TMEM135: variants seen among roughly 807,000 people sequenced by gnomAD.
The protein encoded by TMEM135 is peroxisomal membrane protein 52.
A neutral mutation model predicts 60.3 loss-of-function variants in TMEM135; 30 were observed. The observed-to-expected ratio is 0.50, with a 90% confidence interval of 0.37 to 0.68. The LOEUF (loss-of-function observed/expected upper bound fraction) is 0.68. Among genes scored for constraint, TMEM135 ranks in the 30% least tolerant of loss-of-function variants. TMEM135 has a pLI of 0.00. For missense variants in TMEM135, 468 were observed against 548.8 expected (o/e 0.85, Z 1.47); for synonymous variants, 190 against 186.7 (o/e 1.02, Z -0.14).
chr11:87,321,079 A>G, intron 14 of TMEM135, 122 bp from the exon 15 acceptor site: 1 of 813,568 alleles, frequency 1.2e-6, no homozygotes, highest in Admixed American at 2.6e-5. Flanking sequence ...CATTGAATTT[A>G]GATCCTTTGC....
At chr11:87,236,768 C>G (rs1391876411) in intron 6 of TMEM135, 84 bp downstream of exon 6, 1 of 1,338,690 alleles carries the variant, frequency 7.5e-7, no homozygotes, top group African/African-American at 1.4e-5. Flanking sequence ...AAAGTATTCT[C>G]CAAATAATTA....
chr11:87,202,847 A>G (rs955227441), intron 5 of TMEM135, among the ~76,000 whole-genome samples: 1 of 151,504 alleles, frequency 6.6e-6, no homozygotes, highest in Non-Finnish European at 1.5e-5. Context: ...CCTGGCTAAC[A>G]CGGTGAAACC....
chr11:87,123,187 G>A (rs921473108), intron 4 of TMEM135, among the ~76,000 whole-genome samples: 2 of 152,164 alleles, frequency 1.3e-5, no homozygotes, highest in Non-Finnish European at 2.9e-5. Flanking sequence ...TATCACAAAC[G>A]TGGTGGCTTT....
intron 4 of TMEM135, among the ~76,000 whole-genome samples, chr11:87,154,450 T>C (rs1312423755): frequency 2.0e-5 from 3 of 152,220 alleles, no homozygotes; most frequent in Non-Finnish European, 4.4e-5. Flanking sequence ...TATGCAGATA[T>C]CTCTTTGAGA....
intron 6 of TMEM135, among the ~76,000 whole-genome samples, chr11:87,290,390 C>T (rs1003203646): frequency 1.3e-5 from 2 of 152,138 alleles, no homozygotes; most frequent in Admixed American, 1.3e-4. Context: ...AACATTTTTG[C>T]ATCCCTATAA....
chr11:87,068,304 T>C (rs1012981141), intron 2 of TMEM135, among the ~76,000 whole-genome samples: 13 of 152,224 alleles, frequency 8.5e-5, no homozygotes, highest in East Asian at 3.8e-4. Context: ...ATATTACCTG[T>C]GCTACATCTT....
chr11:87,090,688 T>G (rs1857187656), intron 3 of TMEM135, among the ~76,000 whole-genome samples: 1 of 152,108 alleles, frequency 6.6e-6, no homozygotes, highest in Non-Finnish European at 1.5e-5. Flanking sequence ...ATAAGCTAAG[T>G]AAACTGATTA....
At chr11:87,124,256 G>C (rs1937658947) in intron 4 of TMEM135, among the ~76,000 whole-genome samples, 1 of 152,088 alleles carries the variant, frequency 6.6e-6, no homozygotes, top group African/African-American at 2.4e-5. Flanking sequence ...CTAAAGAGTC[G>C]AGTCTCAGGA....
chr11:87,314,749 T>A lies in TMEM135; in HGVS notation c.1077+202T>A, dbSNP rs1942698053. Among the ~76,000 whole-genome samples, 2 of 151,836 alleles carry A rather than the reference T, an allele frequency of 1.3e-5. 1 individual carries two copies. Among genetic ancestry groups the A allele is most frequent in the South Asian group, 4.1e-4 (2 of 4,822 alleles). ...TTAAGTATAGAAAGAGTAGTGTAAT[T>A]AACCCTCATGCACCCATCATGCAGC... On this transcript the variant is annotated intron_variant, in intron 12 of 14. Coordinates refer to ENST00000305494, the MANE Select transcript of TMEM135 (RefSeq NM_022918.4).
chr11:87,133,399 C>T (rs1166187016), intron 4 of TMEM135, among the ~76,000 whole-genome samples: 1 of 152,242 alleles, frequency 6.6e-6, no homozygotes, highest in Non-Finnish European at 1.5e-5. Flanking sequence ...AAGTCCTCCC[C>T]ACCACTCACA....
chr11:87,038,031 G>T lies in TMEM135; in HGVS notation c.-15G>T. ...AGGCTCTCCCCCTCCTGTCTTCTCC[G>T]CGCTGTTCCTCGTCATGGCGGCCCT... is the stretch of plus-strand genomic sequence containing the variant. On this transcript the variant is annotated 5_prime_UTR_variant, in exon 1 of 15. Transcript: ENST00000305494. 6.2e-7 allele frequency: 1 copy of T among 1,613,716 alleles called. No individual in the cohort carries two copies. Among genetic ancestry groups the T allele is most frequent in the African/African-American group, 1.3e-5 (1 of 75,040 alleles).
chr11:87,166,805 T>C (rs891494293), intron 5 of TMEM135, among the ~76,000 whole-genome samples: 1 of 151,858 alleles, frequency 6.6e-6, no homozygotes, highest in African/African-American at 2.4e-5. Flanking sequence ...TTTGGTTCCA[T>C]ATGAAATTTA....
chr11:87,301,661 T>C (rs1942451872), intron 7 of TMEM135, among the ~76,000 whole-genome samples: 1 of 152,158 alleles, frequency 6.6e-6, no homozygotes, highest in Non-Finnish European at 1.5e-5. Context: ...TAGTTATTCT[T>C]TATAAGGGCA....
intron 3 of TMEM135, among the ~76,000 whole-genome samples, chr11:87,075,375 C>T (rs1448836688): frequency 8.6e-5 from 13 of 151,830 alleles, no homozygotes; most frequent in African/African-American, 2.2e-4. Context: ...AGGATGGTTT[C>T]GATCTCCGGA....
At chr11:87,250,952 A>G (rs470706) in intron 6 of TMEM135, among the ~76,000 whole-genome samples, 100,211 of 152,066 alleles carry the variant, frequency 0.66, 33,604 homozygotes, top group Non-Finnish European at 0.71. Flanking sequence ...CTTGACCAAA[A>G]CTTATGGCAA....
At chr11:87,178,548 C>T (rs1199728859) in intron 5 of TMEM135, 1 of 455,876 alleles carries the variant, frequency 2.2e-6, no homozygotes, top group Non-Finnish European at 4.4e-6. Context: ...GCCTGAGTCT[C>T]CTGAGTAGCT....
Position 87,313,562 on chromosome 11 carries a change from A to C in TMEM135, c.1000+74A>C, listed in dbSNP as rs1224305979. 2.5e-6 allele frequency: 3 copies of C among 1,220,932 alleles called. No individual in the cohort carries two copies. In the African/African-American group the frequency reaches 4.5e-5, roughly 18 times the overall value. The allele number at this position is 1,220,932 out of a possible 1,614,324, so 75.6% of individuals were successfully genotyped here. A position where few individuals can be genotyped will look rare whatever the true frequency, so the allele number is the denominator to read the frequency against. On this transcript the variant is annotated intron_variant, in intron 11 of 14. Transcript: ENST00000305494. Reference sequence around the variant, plus strand: ...AGGAATGAATTGGAAATACCATCCAATTCATCCAATTTCTATGAATCTTCC... The same window carrying C: ...AGGAATGAATTGGAAATACCATCCACTTCATCCAATTTCTATGAATCTTCC...
Position 87,097,698 on chromosome 11 carries a change from T to A in TMEM135, c.396+6303T>A, listed in dbSNP as rs116771977. Among the ~76,000 whole-genome samples, 544 of 152,326 alleles carry A rather than the reference T, an allele frequency of 3.6e-3. 2 individuals carry two copies. The highest frequency in any genetic ancestry group is 0.013 in the African/African-American group (527 of 41,574). ...TTCAGCCACACTGCCCTCTCTGGTG[T>A]TGAGTGAGCATGACAAGCATGCTTT... On this transcript the variant is annotated intron_variant, in intron 4 of 14. Coordinates refer to ENST00000305494, the MANE Select transcript of TMEM135 (RefSeq NM_022918.4).
chr11:87,327,646 C>T lies in TMEM135; in HGVS notation c.*6313C>T, dbSNP rs1942933305. On this transcript the variant is annotated 3_prime_UTR_variant, in exon 15 of 15. Coordinates refer to ENST00000305494, the MANE Select transcript of TMEM135 (RefSeq NM_022918.4). ...AACCCCACCACAGGCCATTCATAAC[C>T]TGGAGACCTTGGGATGCTGGTGGTC... 4.4e-6 allele frequency: 2 copies of T among 453,834 alleles called. No individual in the cohort carries two copies. Among genetic ancestry groups the T allele is most frequent in the African/African-American group, 4.0e-5 (2 of 49,970 alleles). 28.1% of individuals were successfully genotyped at this position (453,834 alleles called of 1,614,324 possible).
Sources: gnomAD v4.1 joint callset for allele counts (sites outside exome capture counted in the v4.1 genomes callset) on GRCh38, gnomAD v4.1.1 for gene constraint, MANE v1.5 for transcripts, NCBI Gene and HGNC (gene_info 2026-07-23, HGNC 2026-07-21) for gene names.